Variants in KIF15 observed in about 807,000 individuals in gnomAD.
KIF15 encodes the protein kinesin-like protein KIF15.
A neutral mutation model predicts 190.6 loss-of-function variants in KIF15; 140 were observed. That is an observed-to-expected ratio of 0.73 (90% CI 0.64 to 0.84). The LOEUF (loss-of-function observed/expected upper bound fraction) is 0.84. KIF15 is among the 40% of genes least tolerant of loss of function. The probability of loss-of-function intolerance (pLI) is 0.00; values close to 1 mark genes in which losing one functional copy is unlikely to be tolerated. For synonymous variants in KIF15, 528 were observed against 551.3 expected (o/e 0.96, Z 0.59); for missense variants, 1,372 against 1,584.4 (o/e 0.87, Z 2.28).
chr3:44,785,640 A>G (rs909277799), intron 6 of KIF15, among the ~76,000 whole-genome samples: 1 of 152,238 alleles, frequency 6.6e-6, no homozygotes, highest in African/African-American at 2.4e-5. Flanking sequence ...CTGAAATTAG[A>G]CACACAAATT....
chr3:44,852,185 C>T (rs1406814067), intron 33 of KIF15, 23 bp from the exon 34 acceptor site: 2 of 1,588,706 alleles, frequency 1.3e-6, no homozygotes, highest in East Asian at 4.5e-5. Context: ...TCATTTTTCC[C>T]TCCTTGGATT....
At chr3:44,864,120 G>A (rs1699293659) in intron 6 of KIF15, 1 of 1,591,342 alleles carries the variant, frequency 6.3e-7, no homozygotes. Flanking sequence ...AGCAACCACA[G>A]TCCTGGGTGT....
At chr3:44,828,050 A>G (rs1697771007) in intron 23 of KIF15, among the ~76,000 whole-genome samples, 164 bp from the exon 24 acceptor site, 1 of 152,200 alleles carries the variant, frequency 6.6e-6, no homozygotes, top group Non-Finnish European at 1.5e-5. Context: ...GTCTCCTGGT[A>G]GACAGCACAA....
At chr3:44,823,993 T>G (rs957262141) in intron 20 of KIF15, among the ~76,000 whole-genome samples, 1 of 152,194 alleles carries the variant, frequency 6.6e-6, no homozygotes, top group Non-Finnish European at 1.5e-5. Flanking sequence ...CCCACCCTGC[T>G]TCAGCTTGCC....
chr3:44,774,466 C>A, intron 2 of KIF15, 29 bp downstream of exon 2: 2 of 1,570,740 alleles, frequency 1.3e-6, no homozygotes, highest in African/African-American at 1.4e-5. Flanking sequence ...TCAATGAGCT[C>A]CCAAAGGACT....
In KIF15 at chr3:44,761,826, A is replaced by G; in HGVS notation, c.-40A>G. ...CGCGGTGCAGTCGGGAGGTGGAGGC[A>G]CCGGCTGCATTGTTTTCGGGATCGA... On this transcript the variant is annotated 5_prime_UTR_variant, in exon 1 of 35. Transcript: ENST00000326047. 1 of 1,614,036 alleles carries G rather than the reference A, an allele frequency of 6.2e-7. No homozygotes were observed. The highest frequency in any genetic ancestry group is 8.5e-7 in the Non-Finnish European group (1 of 1,179,946).
intron 7 of KIF15, among the ~76,000 whole-genome samples, chr3:44,793,584 G>A (rs902372244): frequency 9.8e-5 from 15 of 152,304 alleles, no homozygotes; most frequent in African/African-American, 2.9e-4. Context: ...TAATGGACCA[G>A]TAATCTTTCT....
Position 44,803,010 on chromosome 3 carries a change from A to G in KIF15, c.1687+19A>G. ...GACAAAAGTAAGAAATGATTGTTGTATATACGTGCCATGTAGGAAGGGGCT... is the reference window on the plus strand; with the variant it reads ...GACAAAAGTAAGAAATGATTGTTGTGTATACGTGCCATGTAGGAAGGGGCT... On this transcript the variant is annotated intron_variant, in intron 14 of 34. Coordinates refer to ENST00000326047, the MANE Select transcript of KIF15 (RefSeq NM_020242.3). 1 of 1,575,440 alleles carries G rather than the reference A, an allele frequency of 6.3e-7. No homozygotes were observed. The highest frequency in any genetic ancestry group is 1.2e-5 in the South Asian group (1 of 83,470).
At chr3:44,774,540 C>A in intron 2 of KIF15, 103 bp downstream of exon 2, 1 of 1,008,138 alleles carries the variant, frequency 9.9e-7, no homozygotes, top group Non-Finnish European at 1.5e-6. Flanking sequence ...CAAAATTTAA[C>A]TTAGTCCTCA....
intron 3 of KIF15, 22 bp downstream of exon 3, chr3:44,775,459 A>AT: frequency 6.8e-7 from 1 of 1,479,960 alleles, no homozygotes; most frequent in Non-Finnish European, 9.0e-7. Flanking sequence ...TAGAAACTTA[A>AT]CTTTTTTTTT....
intron 20 of KIF15, 33 bp downstream of exon 20, chr3:44,815,109 T>C (rs1160838924): frequency 1.3e-6 from 2 of 1,510,566 alleles, no homozygotes; most frequent in South Asian, 1.3e-5. Context: ...TCAAGTTGCC[T>C]GATTGGCTGT....
chr3:44,767,920 T>C (rs1449396642), intron 1 of KIF15, among the ~76,000 whole-genome samples: 1 of 114,602 alleles, frequency 8.7e-6, no homozygotes, highest in African/African-American at 3.4e-5. Context: ...AAAAAAGGAG[T>C]GTGGAGCTCA....
chr3:44,797,865 T>A lies in KIF15; in HGVS notation c.1007T>A (p.Ile336Lys). 1 of 1,613,850 alleles carries A rather than the reference T, an allele frequency of 6.2e-7. No homozygotes were observed. The highest frequency in any genetic ancestry group is 8.5e-7 in the Non-Finnish European group (1 of 1,179,916). The change falls in exon 10 of 35, where the codon ATA becomes AAA. Residue 336 changes from isoleucine to lysine, a missense_variant. Coordinates refer to ENST00000326047, the MANE Select transcript of KIF15 (RefSeq NM_020242.3). ...DSLGGNAKTA[I>K]IANVHPGSRC... is the part of the protein sequence containing the mutation. Reference sequence around the variant, plus strand: ...CTTGGAGGTAATGCCAAAACAGCCATAATTGCAAATGTTCATCCTGGATCC... The same window carrying A: ...CTTGGAGGTAATGCCAAAACAGCCAAAATTGCAAATGTTCATCCTGGATCC...
Position 44,784,894 on chromosome 3 carries a change from A to T in KIF15, c.411A>T (p.Pro137=), listed in dbSNP as rs372414057. The T allele has an allele frequency of 1.0e-5, 16 of 1,588,020 alleles. No individual in the cohort carries two copies. Among genetic ancestry groups the T allele is most frequent in the Non-Finnish European group, 1.4e-5 (16 of 1,164,510 alleles). Residue 137 remains proline, a synonymous_variant, in exon 6 of 35, where the codon CCA becomes CCT. Transcript: ENST00000326047. ...CTCATAACCTGAGAGGAGTAATCCC[A>T]CGAAGTTTTGAATATTTGTTTTCCT... ...NFSHNLRGVI[P]RSFEYLFSLI... is the part of the protein sequence containing the mutation.
intron 24 of KIF15, among the ~76,000 whole-genome samples, chr3:44,828,722 A>T (rs1697810091): frequency 6.6e-6 from 1 of 152,236 alleles, no homozygotes; most frequent in South Asian, 2.1e-4. Context: ...ATACATTCAT[A>T]AAACCAAAAC....
chr3:44,843,841 A>G (rs1374585407), intron 30 of KIF15, among the ~76,000 whole-genome samples: 1 of 152,158 alleles, frequency 6.6e-6, no homozygotes, highest in African/African-American at 2.4e-5. Flanking sequence ...TTAGTACTTC[A>G]CTTTCCTTAA....
chr3:44,784,469 GTTAA>G (rs1706316395), intron 5 of KIF15, among the ~76,000 whole-genome samples: 1 of 152,082 alleles, frequency 6.6e-6, no homozygotes, highest in South Asian at 2.1e-4. Flanking sequence ...TGGCCTCTCA[GTTAA>G]TTCTTTCCAA....
intron 25 of KIF15, among the ~76,000 whole-genome samples, chr3:44,830,326 G>A (rs901708369): frequency 1.3e-5 from 2 of 152,172 alleles, no homozygotes; most frequent in Non-Finnish European, 2.9e-5. Context: ...CTGGGACAAT[G>A]TTCTCTGTGC....
intron 1 of KIF15, among the ~76,000 whole-genome samples, chr3:44,766,786 T>C (rs926971295): frequency 3.3e-5 from 5 of 151,584 alleles, no homozygotes; most frequent in Admixed American, 2.6e-4. Context: ...AGGCTTTAAT[T>C]TTCTTTTCTT....
Sources: gnomAD v4.1 joint callset for allele counts (sites outside exome capture counted in the v4.1 genomes callset) on GRCh38, gnomAD v4.1.1 for gene constraint, MANE v1.5 for transcripts, NCBI Gene and HGNC (gene_info 2026-07-23, HGNC 2026-07-21) for gene names.